The following NFATC1 variants were observed in gnomAD, a reference collection of about 807,000 sequenced individuals.
The protein encoded by NFATC1 is nuclear factor of activated T cells 1.
NFATC1 carries 22 observed loss-of-function variants against 76.0 expected under a neutral mutation model. The observed-to-expected ratio is 0.29, with a 90% CI of 0.21 to 0.41. The LOEUF (loss-of-function observed/expected upper bound fraction) is 0.41, where lower values mean the gene tolerates loss of function less well. Among genes scored for constraint, NFATC1 ranks in the 10% least tolerant of loss-of-function variants. The pLI, the probability that NFATC1 is intolerant of heterozygous loss-of-function variation, is 1.00. For missense variants in NFATC1, 1,357 were observed against 1,337.7 expected, an observed-to-expected ratio of 1.01 and a Z score of -0.23; for synonymous variants, 704 against 613.1, an observed-to-expected ratio of 1.15 and a Z score of -2.19.
intron 9 of NFATC1, among the ~76,000 whole-genome samples, chr18:79,509,484 C>T (rs571976674): frequency 6.6e-6 from 1 of 152,348 alleles, no homozygotes; most frequent in East Asian, 1.9e-4. Context: ...ACGCAGATGC[C>T]GGCCCGGTGA....
At chr18:79,514,170 G>A (rs78060425) in intron 9 of NFATC1, among the ~76,000 whole-genome samples, 9,175 of 152,232 alleles carry the variant, frequency 0.06, 397 homozygotes, top group Admixed American at 0.096. Context: ...AGCCAGCACA[G>A]TGGCTCACAC....
At chr18:79,428,476 G>A (rs913796940) in intron 2 of NFATC1, among the ~76,000 whole-genome samples, 1 of 152,164 alleles carries the variant, frequency 6.6e-6, no homozygotes, top group Non-Finnish European at 1.5e-5. Flanking sequence ...CGATGCTCAC[G>A]CCTCTGACCA....
intron 8 of NFATC1, among the ~76,000 whole-genome samples, chr18:79,480,718 G>A (rs1433656123): frequency 6.6e-6 from 1 of 152,188 alleles, no homozygotes; most frequent in Non-Finnish European, 1.5e-5. Flanking sequence ...GGGCATAGCC[G>A]GCCTTGGCCC....
intron 7 of NFATC1, among the ~76,000 whole-genome samples, chr18:79,463,498 C>T (rs527712877): frequency 9.1e-4 from 138 of 151,446 alleles, no homozygotes; most frequent in Non-Finnish European, 7.9e-4. Context: ...GTGTCCATAC[C>T]GGCCTCTCTT....
intron 9 of NFATC1, among the ~76,000 whole-genome samples, chr18:79,499,532 A>C (rs2089970066): frequency 6.6e-6 from 1 of 152,266 alleles, no homozygotes; most frequent in Non-Finnish European, 1.5e-5. Context: ...ATCAATAATC[A>C]CATTAAATGT....
At chr18:79,437,680 C>T (rs969122232) in intron 3 of NFATC1, among the ~76,000 whole-genome samples, 1 of 152,254 alleles carries the variant, frequency 6.6e-6, no homozygotes, top group Non-Finnish European at 1.5e-5. Context: ...AGCCGCCACC[C>T]TCTGCCCTCC....
intron 2 of NFATC1, among the ~76,000 whole-genome samples, chr18:79,415,566 G>C (rs1434519430): frequency 2.0e-5 from 3 of 151,592 alleles, no homozygotes; most frequent in Non-Finnish European, 4.4e-5. Context: ...ACAGGCATGA[G>C]CCACCGCGCC....
At chr18:79,421,299 C>T (rs1335504038) in intron 2 of NFATC1, 1 of 152,372 alleles carries the variant, frequency 6.6e-6, no homozygotes, top group African/African-American at 2.4e-5. Flanking sequence ...GGTTCCCTGA[C>T]ACCAAGATGA....
intron 3 of NFATC1, among the ~76,000 whole-genome samples, chr18:79,438,652 G>T (rs1014373166): frequency 2.0e-5 from 3 of 152,236 alleles, no homozygotes; most frequent in African/African-American, 7.2e-5. Flanking sequence ...TAGGAGAAGG[G>T]CCAACTGAGT....
intron 5 of NFATC1, among the ~76,000 whole-genome samples, 185 bp downstream of exon 5, chr18:79,451,311 C>G (rs1428891539): frequency 6.6e-6 from 1 of 152,268 alleles, no homozygotes; most frequent in Non-Finnish European, 1.5e-5. Flanking sequence ...CTGTGGCCTC[C>G]CGGGGGCCCC....
At chr18:79,504,864 G>C (rs1387625437) in intron 9 of NFATC1, among the ~76,000 whole-genome samples, 1 of 127,594 alleles carries the variant, frequency 7.8e-6, no homozygotes, top group Admixed American at 7.6e-5. Flanking sequence ...CCTTGGGTGA[G>C]GGAAGAGGCA....
chr18:79,498,865 G>A (rs189985855), intron 9 of NFATC1, among the ~76,000 whole-genome samples: 58 of 152,282 alleles, frequency 3.8e-4, no homozygotes, highest in Non-Finnish European at 4.9e-4. Context: ...GTGGGACGGC[G>A]CATTCAAAAT....
At chr18:79,419,532 G>A (rs1001125661) in intron 2 of NFATC1, among the ~76,000 whole-genome samples, 8 of 134,066 alleles carry the variant, frequency 6.0e-5, no homozygotes, top group Admixed American at 7.1e-5. Context: ...TAGGAGGGCC[G>A]GCACCTGCCT....
chr18:79,486,507 C>A lies in NFATC1; in HGVS notation c.2352C>A (p.Gly784=). 6.2e-7 allele frequency: 1 copy of A among 1,603,922 alleles called. No homozygotes were observed. The highest frequency in any genetic ancestry group is 8.5e-7 in the Non-Finnish European group (1 of 1,179,336). Residue 784 remains glycine, a synonymous_variant, in exon 9 of 10, where the codon GGC becomes GGA. Coordinates refer to ENST00000427363, the MANE Select transcript of NFATC1 (RefSeq NM_001278669.2). ...ACACCAAGGGCGTTGCCAGCCCGGGCCACTGTCACCTCGGACTCCCGCAGC... is the reference window on the plus strand; with the variant it reads ...ACACCAAGGGCGTTGCCAGCCCGGGACACTGTCACCTCGGACTCCCGCAGC... ...AAYTKGVASP[G]HCHLGLPQPA...
chr18:79,400,279 C>T, intron 1 of NFATC1: 3 of 953,186 alleles, frequency 3.1e-6, no homozygotes, highest in South Asian at 7.9e-5. Context: ...GGGGCGGGGA[C>T]GGGGGGAGGG....
At chr18:79,403,765 G>A (rs1393961521) in intron 1 of NFATC1, among the ~76,000 whole-genome samples, 1 of 152,246 alleles carries the variant, frequency 6.6e-6, no homozygotes, top group African/African-American at 2.4e-5. Flanking sequence ...TGAAGCTTTG[G>A]AAGACTTTTA....
chr18:79,451,900 C>G (rs1250753557), intron 6 of NFATC1, 84 bp downstream of exon 6: 6 of 1,498,768 alleles, frequency 4.0e-6, no homozygotes, highest in Non-Finnish European at 5.4e-6. Context: ...CAGGACCCAC[C>G]TGTGCACGGT....
At chr18:79,494,974 C>T (rs2089835853) in intron 9 of NFATC1, among the ~76,000 whole-genome samples, 1 of 152,134 alleles carries the variant, frequency 6.6e-6, no homozygotes, top group Non-Finnish European at 1.5e-5. Flanking sequence ...CGAGAGCGGG[C>T]ACACGCCCCC....
At chr18:79,464,802 C>T (rs1242520077) in intron 7 of NFATC1, among the ~76,000 whole-genome samples, 2 of 150,068 alleles carry the variant, frequency 1.3e-5, no homozygotes, top group Non-Finnish European at 3.0e-5. Context: ...ACCTCCCAGG[C>T]TGAAGCAGTT....
Sources: gnomAD v4.1 joint callset for allele counts (sites outside exome capture counted in the v4.1 genomes callset) on GRCh38, gnomAD v4.1.1 for gene constraint, MANE v1.5 for transcripts, NCBI Gene and HGNC (gene_info 2026-07-23, HGNC 2026-07-21) for gene names.